Variants in CLDN3 observed in about 807,000 individuals in gnomAD.
CLDN3 encodes the protein claudin 3.
Under a neutral mutation model 16.3 loss-of-function variants are expected in CLDN3, and 6 were observed. The ratio of observed to expected loss-of-function variants is 0.37; its 90% CI spans 0.20 to 0.73. The LOEUF is 0.73. Among genes scored for constraint, CLDN3 ranks in the 30% least tolerant of loss-of-function variants. The pLI, the probability that CLDN3 is intolerant of heterozygous loss-of-function variation, is 0.52. For synonymous variants in CLDN3, 145 were observed against 150.1 expected (o/e 0.97, Z 0.25); for missense variants, 248 against 305.2 (o/e 0.81, Z 1.40).
At position 73,770,036 on chromosome 7, in the gene CLDN3, A is replaced by G; in HGVS notation, c.14T>C (p.Leu5Pro). The change falls in exon 1 of 1, where the codon CTG becomes CCG. Residue 5 changes from leucine (L) to proline (P), a missense_variant. Coordinates refer to ENST00000395145, the MANE Select transcript of CLDN3 (RefSeq NM_001306.4). This position sits in a 1 kb window ranked among gnomAD's most constrained non-coding sequence, Gnocchi z 5.7. MSMGLEITGTALAVL... is the reference protein window; with the variant it reads MSMGPEITGTALAVL... ...GGCCAGCGCGGTGCCCGTGATCTCCAGGCCCATGGACATGGCTGCCGCGGC... is the reference window on the plus strand; with the variant it reads ...GGCCAGCGCGGTGCCCGTGATCTCCGGGCCCATGGACATGGCTGCCGCGGC... 6.3e-7 allele frequency: 1 copy of G among 1,586,002 alleles called. No homozygotes were observed. The highest frequency in any genetic ancestry group is 8.6e-7 in the Non-Finnish European group (1 of 1,166,168).
chr7:73,769,059 C>T lies in CLDN3; in HGVS notation c.*328G>A, dbSNP rs554155107. The T allele has an allele frequency of 2.1e-5, 10 of 470,514 alleles. No individual in the cohort carries two copies. In the South Asian group the frequency reaches 4.0e-4, roughly 19 times the overall value. The allele number at this position is 470,514 out of a possible 1,614,324, so 29.1% of individuals were successfully genotyped here. On this transcript the variant is annotated 3_prime_UTR_variant, in exon 1 of 1. Coordinates refer to ENST00000395145, the MANE Select transcript of CLDN3 (RefSeq NM_001306.4). ...CCCCTTCCAGGGCTGCCGGTCCCTG[C>T]CCAGCGCGAGCATGGGGGCAGCGGC...
chr7:73,769,770 G>A lies in CLDN3; in HGVS notation c.280C>T (p.Leu94=). 6.2e-7 allele frequency: 1 copy of A among 1,611,340 alleles called. No individual in the cohort carries two copies. The highest frequency in any genetic ancestry group is 8.5e-7 in the Non-Finnish European group (1 of 1,178,976). ...VVAILLAAFG[L]LVALVGAQCT... ...TGGGCGCCCACCAGCGCCACTAGCA[G>A]CCCGAAGGCGGCCAGCAGGATGGCC... The change falls in exon 1 of 1, where the codon CTG becomes TTG. Residue 94 remains leucine, a synonymous_variant. Transcript: ENST00000395145.
In CLDN3 at chr7:73,770,026, C is replaced by T; in HGVS notation, c.24G>A (p.Thr8=). Reference sequence around the variant, plus strand: ...AGCCCAGCACGGCCAGCGCGGTGCCCGTGATCTCCAGGCCCATGGACATGG... The same window carrying T: ...AGCCCAGCACGGCCAGCGCGGTGCCTGTGATCTCCAGGCCCATGGACATGG... MSMGLEI[T]GTALAVLGWL... The change falls in exon 1 of 1, where the codon ACG becomes ACA. Residue 8 remains threonine (T), a synonymous_variant. Coordinates refer to ENST00000395145, the MANE Select transcript of CLDN3 (RefSeq NM_001306.4). The surrounding 1 kb of genome is among the most constrained non-coding windows in gnomAD (Gnocchi z 5.7). 6.3e-7 allele frequency: 1 copy of T among 1,599,456 alleles called. No homozygotes were observed. Among genetic ancestry groups the T allele is most frequent in the Non-Finnish European group, 8.5e-7 (1 of 1,173,372 alleles).
At position 73,769,086 on chromosome 7, in the gene CLDN3, C is replaced by T. The variant is rs1371553745; in HGVS notation, c.*301G>A. ...CAGCGCGAGCATGGGGGCAGCGGCCCGATGGGGCTCGACGGGGTGGTCAAG... is the reference window on the plus strand; with the variant it reads ...CAGCGCGAGCATGGGGGCAGCGGCCTGATGGGGCTCGACGGGGTGGTCAAG... On this transcript the variant is annotated 3_prime_UTR_variant, in exon 1 of 1. Transcript: ENST00000395145. The T allele has an allele frequency of 5.2e-6, 3 of 580,510 alleles. No homozygotes were observed. In the Admixed American group the frequency reaches 1.2e-4, roughly 23 times the overall value. The allele number at this position is 580,510 out of a possible 1,614,324, so 36.0% of individuals were successfully genotyped here. A position where few individuals can be genotyped will look rare whatever the true frequency, so the allele number is the denominator to read the frequency against.
rs1054700451 is a variant in CLDN3 at position 73,769,147 on chromosome 7, G to T, written c.*240C>A. The T allele has an allele frequency of 5.7e-6, 6 of 1,053,080 alleles. No individual in the cohort carries two copies. The highest frequency in any genetic ancestry group is 6.0e-5 in the East Asian group (2 of 33,426). The allele number at this position is 1,053,080 out of a possible 1,614,324, so 65.2% of individuals were successfully genotyped here. On this transcript the variant is annotated 3_prime_UTR_variant, in exon 1 of 1. Transcript: ENST00000395145. ...CACCCAGGCCCCGTGCTCCAGAAGGGTGAGGTTTCACAGTCCATGCAGGTT... is the reference window on the plus strand; with the variant it reads ...CACCCAGGCCCCGTGCTCCAGAAGGTTGAGGTTTCACAGTCCATGCAGGTT...
chr7:73,769,159 A>C lies in CLDN3; in HGVS notation c.*228T>G, dbSNP rs1283456179. The C allele has an allele frequency of 4.4e-6, 5 of 1,135,762 alleles. No individual in the cohort carries two copies. Among genetic ancestry groups the C allele is most frequent in the African/African-American group, 1.6e-5 (1 of 61,182 alleles). 70.4% of individuals were successfully genotyped at this position (1,135,762 alleles called of 1,614,324 possible). A position where few individuals can be genotyped will look rare whatever the true frequency, so the allele number is the denominator to read the frequency against. On this transcript the variant is annotated 3_prime_UTR_variant, in exon 1 of 1. Coordinates refer to ENST00000395145, the MANE Select transcript of CLDN3 (RefSeq NM_001306.4). The stretch of plus-strand genomic sequence containing the variant: ...GTGCTCCAGAAGGGTGAGGTTTCAC[A>C]GTCCATGCAGGTTGGTCCCTGGGCC...
chr7:73,770,222 G>T lies in CLDN3; in HGVS notation c.-173C>A. On this transcript the variant is annotated 5_prime_UTR_variant, in exon 1 of 1. Coordinates refer to ENST00000395145, the MANE Select transcript of CLDN3 (RefSeq NM_001306.4). The surrounding 1 kb of genome is among the most constrained non-coding windows in gnomAD (Gnocchi z 5.7). ...GGCTCCATACGCTCTCGCCGCGGCT[G>T]CGCCTGCACCTGCCTGTGGCTTTGT... 9.8e-7 allele frequency: 1 copy of T among 1,019,048 alleles called. No individual in the cohort carries two copies. Among genetic ancestry groups the T allele is most frequent in the Non-Finnish European group, 1.3e-6 (1 of 761,602 alleles). 63.1% of individuals were successfully genotyped at this position (1,019,048 alleles called of 1,614,324 possible).
In CLDN3 at chr7:73,770,248, G is replaced by A; in HGVS notation, c.-199C>T. 2.4e-6 allele frequency: 2 copies of A among 827,694 alleles called. No homozygotes were observed. Among genetic ancestry groups the A allele is most frequent in the South Asian group, 2.9e-5 (1 of 34,878 alleles). The allele number at this position is 827,694 out of a possible 1,614,324, so 51.3% of individuals were successfully genotyped here. ...CGCCTGCACCTGCCTGTGGCTTTGT[G>A]GGCGGGCGGCGGCGACTGGGCTGGC... On this transcript the variant is annotated 5_prime_UTR_variant, in exon 1 of 1. Coordinates refer to ENST00000395145, the MANE Select transcript of CLDN3 (RefSeq NM_001306.4). The surrounding 1 kb of genome is among the most constrained non-coding windows in gnomAD (Gnocchi z 5.7).
chr7:73,769,546 C>G lies in CLDN3; in HGVS notation c.504G>C (p.Ala168=). ...CCCCCAGCAGCTGCAGCGCCGCGGC[C>G]GCCCAGCCCACGTACAGGCCCGCGC... ...EMGAGLYVGW[A]AAALQLLGGA... The change falls in exon 1 of 1, where the codon GCG becomes GCC. Residue 168 remains alanine (A), a synonymous_variant. Coordinates refer to ENST00000395145, the MANE Select transcript of CLDN3 (RefSeq NM_001306.4). The G allele has an allele frequency of 1.9e-6, 3 of 1,601,976 alleles. No individual in the cohort carries two copies. Among genetic ancestry groups the G allele is most frequent in the East Asian group, 2.2e-5 (1 of 44,660 alleles).
In CLDN3 at chr7:73,770,046, A is replaced by T. The variant is rs1554626778; in HGVS notation, c.4T>A (p.Ser2Thr). 2.6e-6 allele frequency: 4 copies of T among 1,554,700 alleles called. No homozygotes were observed. The Admixed American group carries it at 7.6e-5, about 29-fold the overall frequency. Residue 2 changes from serine (S) to threonine (T), a missense_variant, in exon 1 of 1, where the codon TCC becomes ACC. By Grantham distance (58) the Ser-to-Thr change is moderately conservative (BLOSUM62 1). Coordinates refer to ENST00000395145, the MANE Select transcript of CLDN3 (RefSeq NM_001306.4). This position sits in a 1 kb window ranked among gnomAD's most constrained non-coding sequence, Gnocchi z 5.7. ...GTGCCCGTGATCTCCAGGCCCATGG[A>T]CATGGCTGCCGCGGCAAGGCCCGCT... M[S>T]MGLEITGTAL...
In CLDN3 at chr7:73,769,403, C is replaced by T. The variant is rs868906959; in HGVS notation, c.647G>A (p.Arg216His). Reference sequence around the variant, plus strand: ...GTCTGTCCCTTAGACGTAGTCCTTGCGGTCGTAGCCTGTGCCCAGGCTGGC... The same window carrying T: ...GTCTGTCCCTTAGACGTAGTCCTTGTGGTCGTAGCCTGTGCCCAGGCTGGC... ...PGASLGTGYD[R>H]KDYV is the part of the protein sequence containing the mutation. The change falls in exon 1 of 1, where the codon CGC (arginine) becomes CAC (histidine). Residue 216 changes from arginine (R) to histidine (H), a missense_variant. Physicochemically the swap from Arg to His is conservative, Grantham distance 29. Transcript: ENST00000395145. The T allele has an allele frequency of 3.1e-6, 5 of 1,598,422 alleles. No homozygotes were observed. The highest frequency in any genetic ancestry group is 4.2e-6 in the Non-Finnish European group (5 of 1,178,698).
rs1217702510 is a variant in CLDN3, at chr7:73,769,471, G to A, written c.579C>T (p.Ala193=). 3.1e-6 allele frequency: 5 copies of A among 1,608,538 alleles called. No individual in the cohort carries two copies. The highest frequency in any genetic ancestry group is 4.2e-6 in the Non-Finnish European group (5 of 1,179,742). ...SCPPREKKYT[A]TKVVYSAPRS... ...GCGGCGCGGAGTAGACGACCTTGGTGGCCGTGTACTTCTTCTCGCGTGGGG... is the reference window on the plus strand; with the variant it reads ...GCGGCGCGGAGTAGACGACCTTGGTAGCCGTGTACTTCTTCTCGCGTGGGG... Residue 193 remains alanine, a synonymous_variant, in exon 1 of 1, where the codon GCC becomes GCT. Transcript: ENST00000395145.
At position 73,769,266 on chromosome 7, in the gene CLDN3, G is replaced by C; in HGVS notation, c.*121C>G. ...CAGCGCGGGGGCTTCCTGGCTTCTGGGGGTGGGCTGGCCTCCGAGGCAAGG... is the reference window on the plus strand; with the variant it reads ...CAGCGCGGGGGCTTCCTGGCTTCTGCGGGTGGGCTGGCCTCCGAGGCAAGG... On this transcript the variant is annotated 3_prime_UTR_variant, in exon 1 of 1. Transcript: ENST00000395145. The C allele has an allele frequency of 6.9e-7, 1 of 1,453,120 alleles. No individual in the cohort carries two copies. Among genetic ancestry groups the C allele is most frequent in the Middle Eastern group, 2.0e-4 (1 of 4,984 alleles). 90.0% of individuals were successfully genotyped at this position (1,453,120 alleles called of 1,614,324 possible).
rs782197903 is a variant in CLDN3 at position 73,769,955 on chromosome 7, G to A, written c.95C>T (p.Ser32Leu). The A allele has an allele frequency of 1.2e-6, 2 of 1,613,432 alleles. No homozygotes were observed. Among genetic ancestry groups the A allele is most frequent in the Admixed American group, 1.7e-5 (1 of 60,004 alleles). ...GATGATGTTGCTGCCGATGAAGGCC[G>A]ACACGCGCCACATGGGCAACGCGCA... ...VCCALPMWRV[S>L]AFIGSNIITS... The change falls in exon 1 of 1, where the codon TCG (serine) becomes TTG (leucine). Residue 32 changes from serine (S) to leucine (L), a missense_variant. Coordinates refer to ENST00000395145, the MANE Select transcript of CLDN3 (RefSeq NM_001306.4).
Position 73,769,483 on chromosome 7 carries a change from C to T in CLDN3, c.567G>A (p.Lys189=), listed in dbSNP as rs782282921. ...LLCCSCPPRE[K]KYTATKVVYS... Reference sequence around the variant, plus strand: ...AGACGACCTTGGTGGCCGTGTACTTCTTCTCGCGTGGGGGACACGAGCAGC... The same window carrying T: ...AGACGACCTTGGTGGCCGTGTACTTTTTCTCGCGTGGGGGACACGAGCAGC... The change falls in exon 1 of 1, where the codon AAG becomes AAA. Residue 189 remains lysine (K), a synonymous_variant. Coordinates refer to ENST00000395145, the MANE Select transcript of CLDN3 (RefSeq NM_001306.4). 6.2e-7 allele frequency: 1 copy of T among 1,609,402 alleles called. No individual in the cohort carries two copies. Among genetic ancestry groups the T allele is most frequent in the South Asian group, 1.1e-5 (1 of 91,010 alleles).
In CLDN3 at chr7:73,769,537, C is replaced by G. The variant is rs781839676; in HGVS notation, c.513G>C (p.Ala171=). The stretch of plus-strand genomic sequence containing the variant: ...GCAGCGCGCCCCCCAGCAGCTGCAG[C>G]GCCGCGGCCGCCCAGCCCACGTACA... The part of the protein sequence containing the change: ...AGLYVGWAAA[A]LQLLGGALLC... The change falls in exon 1 of 1, where the codon GCG becomes GCC. Residue 171 remains alanine (A), a synonymous_variant. Coordinates refer to ENST00000395145, the MANE Select transcript of CLDN3 (RefSeq NM_001306.4). 6.9e-6 allele frequency: 11 copies of G among 1,601,836 alleles called. No homozygotes were observed. In the African/African-American group the frequency reaches 1.3e-4, roughly 19 times the overall value.
Position 73,769,345 on chromosome 7 carries a change from TTGGTGGTGGTGGTGG to T in CLDN3, c.*27_*41del, listed in dbSNP as rs782032979. On this transcript the variant is annotated 3_prime_UTR_variant, in exon 1 of 1. Transcript: ENST00000395145. The stretch of plus-strand genomic sequence containing the variant: ...CCAGCTCGCGGTGGTGGTGGTGGTG[TTGGTGGTGGTGGTGG>T]TGGTGGGGTCTCCCTGCGTCTGTCC... 4 of 1,546,292 alleles carry T rather than the reference TTGGTGGTGGTGGTGG, an allele frequency of 2.6e-6. No individual in the cohort carries two copies. The Admixed American group carries it at 7.4e-5, about 29-fold the overall frequency.
chr7:73,770,083 C>T lies in CLDN3; in HGVS notation c.-34G>A, dbSNP rs967760185. 7 of 1,454,630 alleles carry T rather than the reference C, an allele frequency of 4.8e-6. No homozygotes were observed. The highest frequency in any genetic ancestry group is 4.3e-4 in the Middle Eastern group (2 of 4,676). The allele number at this position is 1,454,630 out of a possible 1,614,324, so 90.1% of individuals were successfully genotyped here. On this transcript the variant is annotated 5_prime_UTR_variant, in exon 1 of 1. Transcript: ENST00000395145. The surrounding 1 kb of genome is among the most constrained non-coding windows in gnomAD (Gnocchi z 5.7). ...CGGCAAGGCCCGCTCCACCGGGTGG[C>T]TCCGGGTGCGGGGAGACGAGGGGCC...
chr7:73,770,105 G>C lies in CLDN3; in HGVS notation c.-56C>G, dbSNP rs7084. The C allele has an allele frequency of 0.48, 676,660 of 1,404,014 alleles. 164,314 individuals are homozygous for C. Among genetic ancestry groups the C allele is most frequent in the Middle Eastern group, 0.59 (2,351 of 4,012 alleles). The allele number at this position is 1,404,014 out of a possible 1,614,324, so 87.0% of individuals were successfully genotyped here. On this transcript the variant is annotated 5_prime_UTR_variant, in exon 1 of 1. Coordinates refer to ENST00000395145, the MANE Select transcript of CLDN3 (RefSeq NM_001306.4). The surrounding 1 kb of genome is among the most constrained non-coding windows in gnomAD (Gnocchi z 5.7). ...TGGCTCCGGGTGCGGGGAGACGAGG[G>C]GCCGGGGCCGCTGGGCCTGGCGGGA... is the stretch of plus-strand genomic sequence containing the variant.
Sources: allele counts gnomAD v4.1 joint callset, GRCh38; gene constraint gnomAD v4.1.1; non-coding constraint Gnocchi (gnomAD v3.1); transcripts MANE v1.5; gene names NCBI Gene and HGNC (gene_info 2026-07-23, HGNC 2026-07-21).